CFAP251: variants seen among roughly 807,000 people sequenced by gnomAD.
CFAP251 encodes cilia- and flagella-associated protein 251.
Under a neutral mutation model 126.7 loss-of-function variants are expected in CFAP251, and 93 were observed. The ratio of observed to expected loss-of-function variants is 0.73; its 90% CI spans 0.62 to 0.87. The LOEUF is 0.87. Among genes scored for constraint, CFAP251 ranks in the 40% least tolerant of loss-of-function variants. CFAP251 has a pLI of 0.00. For synonymous variants in CFAP251, 503 were observed against 506.9 expected, an observed-to-expected ratio of 0.99 and a Z score of 0.10; for missense variants, 1,287 against 1,389.2, an observed-to-expected ratio of 0.93 and a Z score of 1.17.
At chr12:121,949,190 G>T in intron 8 of CFAP251, 129 bp downstream of exon 8, 2 of 485,042 alleles carry the variant, frequency 4.1e-6, no homozygotes, top group South Asian at 5.5e-5. Context: ...ATATTAAAAT[G>T]TTTTTATTTA....
intron 17 of CFAP251, among the ~76,000 whole-genome samples, chr12:121,970,710 C>T (rs536882888): frequency 1.4e-4 from 22 of 152,338 alleles, no homozygotes; most frequent in Middle Eastern, 6.8e-3. Context: ...ATGAGAAGGT[C>T]GTTGGGATCG....
At position 121,960,639 on chromosome 12, in the gene CFAP251, G is replaced by A. The variant is rs1010660068; in HGVS notation, c.2188G>A (p.Val730Ile). The stretch of plus-strand genomic sequence containing the variant: ...GCTGGTGGTCAGAAATGGACAGAGG[G>A]TCTGGGAGTACTTAGCAAGACTTCG... ...YMLVVRNGQR[V>I]WEYLARLRSH... The change falls in exon 14 of 22, where the codon GTC becomes ATC. Residue 730 changes from valine (V) to isoleucine (I), a missense_variant. By Grantham distance (29) the Val-to-Ile change is conservative. Coordinates refer to ENST00000288912, the MANE Select transcript of CFAP251 (RefSeq NM_144668.6). 1.2e-6 allele frequency: 2 copies of A among 1,614,112 alleles called. No individual in the cohort carries two copies. The highest frequency in any genetic ancestry group is 2.2e-5 in the South Asian group (2 of 91,076).
chr12:121,931,947 T>G, intron 4 of CFAP251, 61 bp downstream of exon 4: 2 of 1,397,570 alleles, frequency 1.4e-6, no homozygotes, highest in Non-Finnish European at 1.9e-6. Flanking sequence ...TGTGGTATTT[T>G]GTTTTGTATC....
rs1491552889 is a variant in CFAP251 at position 121,928,670 on chromosome 12, G to GTGTATATA, written c.748-3075_748-3074insGTATATAT. 5.5e-4 allele frequency among the ~76,000 whole-genome samples: 28 copies of GTGTATATA among 50,882 alleles called. 1 individual carries two copies. Among genetic ancestry groups the GTGTATATA allele is most frequent in the African/African-American group, 1.0e-3 (28 of 27,546 alleles). The allele number at this position is 50,882 out of a possible 152,430, so 33.4% of individuals were successfully genotyped here. A position where few individuals can be genotyped will look rare whatever the true frequency, so the allele number is the denominator to read the frequency against. ...TATATATATATACGTATATATATAC[G>GTGTATATA]TATATATATATATATATACGTATAT... is the stretch of plus-strand genomic sequence containing the variant. On this transcript the variant is annotated intron_variant, in intron 3 of 21. Coordinates refer to ENST00000288912, the MANE Select transcript of CFAP251 (RefSeq NM_144668.6).
Position 121,963,629 on chromosome 12 carries a change from CGTGGGCCCCTGTGCTTTGGCCCCT to C in CFAP251, c.2492+1471_2492+1494del, listed in dbSNP as rs1565915296. Among the ~76,000 whole-genome samples, 7 of 149,578 alleles carry C rather than the reference CGTGGGCCCCTGTGCTTTGGCCCCT, an allele frequency of 4.7e-5. No individual in the cohort carries two copies. The South Asian group carries it at 1.4e-3, about 30-fold the overall frequency. ...CTCCTGATGCCATCCTGCACATGCA[CGTGGGCCCCTGTGCTTTGGCCCCT>C]GTGAGCCCTCACAAGAAACACTGAC... On this transcript the variant is annotated intron_variant, in intron 15 of 21. Coordinates refer to ENST00000288912, the MANE Select transcript of CFAP251 (RefSeq NM_144668.6).
At chr12:121,957,597 G>A (rs756237998) in intron 11 of CFAP251, among the ~76,000 whole-genome samples, 3 of 151,788 alleles carry the variant, frequency 2.0e-5, no homozygotes, top group South Asian at 2.1e-4. Context: ...CCAGCTACTC[G>A]GGAGGCTGAG....
At chr12:121,980,400 ACTTC>A (rs1427495414) in intron 19 of CFAP251, among the ~76,000 whole-genome samples, 6 of 141,158 alleles carry the variant, frequency 4.3e-5, no homozygotes, top group African/African-American at 1.3e-4. Flanking sequence ...CTTCATTCTC[ACTTC>A]CTTCTTTTTT....
intron 3 of CFAP251, among the ~76,000 whole-genome samples, chr12:121,928,660 A>ATATATATGTGTATATATATGTG (rs1880535752): frequency 3.5e-5 from 2 of 56,932 alleles, no homozygotes; most frequent in East Asian, 2.6e-4. Context: ...ATATATACGT[A>ATATATATGTGTATATATATGTG]TATATATACG....
intron 5 of CFAP251, among the ~76,000 whole-genome samples, chr12:121,939,359 G>A (rs1881014796): frequency 6.6e-6 from 1 of 152,090 alleles, no homozygotes; most frequent in Admixed American, 6.6e-5. Context: ...CACGCTCTCA[G>A]CTGCAAGTAC....
chr12:121,954,785 TG>T (rs1343656205), intron 10 of CFAP251, among the ~76,000 whole-genome samples: 5 of 150,582 alleles, frequency 3.3e-5, no homozygotes, highest in African/African-American at 1.2e-4. Flanking sequence ...AGATCAGGGA[TG>T]GGGGTGGATT....
chr12:121,923,993 A>C lies in CFAP251; in HGVS notation c.747+3A>C. 1.9e-6 allele frequency: 3 copies of C among 1,590,446 alleles called. No individual in the cohort carries two copies. The highest frequency in any genetic ancestry group is 2.6e-6 in the Non-Finnish European group (3 of 1,172,148). On this transcript the variant is annotated splice_donor_region_variant and intron_variant, in intron 3 of 21. Coordinates refer to ENST00000288912, the MANE Select transcript of CFAP251 (RefSeq NM_144668.6). The stretch of plus-strand genomic sequence containing the variant: ...AAAGCACCCCGGTGTATCCCTTGGT[A>C]AGTGTAATGCTTTTAAATCTCCCCC...
Position 121,958,290 on chromosome 12 carries a change from A to G in CFAP251, c.1749A>G (p.Thr583=). The part of the protein sequence containing the change: ...LFVLRNFIIG[T]SDAAVYHLTT... ...CAAACAGGAATTTTATCATTGGAAC[A>G]TCTGATGCCGCGGTGTACCACTTAA... Residue 583 remains threonine, a synonymous_variant, in exon 12 of 22, where the codon ACA becomes ACG. Transcript: ENST00000288912. The G allele has an allele frequency of 6.2e-7, 1 of 1,614,190 alleles. No homozygotes were observed. The highest frequency in any genetic ancestry group is 1.7e-5 in the Admixed American group (1 of 60,034).
intron 4 of CFAP251, 42 bp from the exon 5 acceptor site, chr12:121,934,205 G>A (rs369449184): frequency 2.4e-5 from 36 of 1,522,320 alleles, no homozygotes; most frequent in African/African-American, 1.4e-4. Context: ...AGGCTGGGCC[G>A]CATCTTGGAT....
At chr12:121,955,817 G>A (rs1410338543) in intron 10 of CFAP251, 1 of 152,198 alleles carries the variant, frequency 6.6e-6, no homozygotes, top group Non-Finnish European at 1.5e-5. Flanking sequence ...TTAATCGGTT[G>A]GGGTTTAGGA....
intron 20 of CFAP251, among the ~76,000 whole-genome samples, chr12:122,000,649 CCTA>C (rs1883128489): frequency 6.6e-6 from 1 of 152,014 alleles, no homozygotes; most frequent in Admixed American, 6.5e-5. Flanking sequence ...TTAATTTTTA[CCTA>C]CTATGTTTCT....
chr12:121,993,972 T>TGG (rs1402737647), intron 19 of CFAP251, among the ~76,000 whole-genome samples: 29 of 32,392 alleles, frequency 9.0e-4, no homozygotes, highest in Non-Finnish European at 1.7e-3. Context: ...GGGAGGGAGG[T>TGG]GGGGGGGTCA....
At chr12:121,976,014 T>C (rs1882448950) in intron 19 of CFAP251, among the ~76,000 whole-genome samples, 1 of 150,238 alleles carries the variant, frequency 6.7e-6, no homozygotes, top group African/African-American at 2.4e-5. Context: ...TTTTTTTCTT[T>C]TTTTTTTTTT....
chr12:121,919,137 A>AT (rs1489728607), intron 1 of CFAP251, among the ~76,000 whole-genome samples: 99 of 55,154 alleles, frequency 1.8e-3, no homozygotes, highest in African/African-American at 6.1e-3. Context: ...TATTATTATT[A>AT]TTATTATTTT....
intron 11 of CFAP251, among the ~76,000 whole-genome samples, chr12:121,957,572 C>T (rs371823022): frequency 3.3e-5 from 5 of 149,862 alleles, no homozygotes; most frequent in African/African-American, 9.8e-5. Flanking sequence ...GGCGTGGTGA[C>T]GGGTGCCTGT....
Sources: gnomAD v4.1 joint callset for allele counts (sites outside exome capture counted in the v4.1 genomes callset) on GRCh38, gnomAD v4.1.1 for gene constraint, MANE v1.5 for transcripts, NCBI Gene and HGNC (gene_info 2026-07-23, HGNC 2026-07-21) for gene names.